Variants in SPAG9 observed in about 807,000 individuals in gnomAD.
The protein encoded by SPAG9 is sperm associated antigen 9.
A neutral mutation model predicts 166.5 loss-of-function variants in SPAG9; 35 were observed. The observed-to-expected ratio is 0.21, with a 90% CI of 0.16 to 0.28. The LOEUF (loss-of-function observed/expected upper bound fraction) is 0.28, where lower values mean the gene tolerates loss of function less well. SPAG9 is among the 10% of genes least tolerant of loss of function. The probability of loss-of-function intolerance (pLI) is 1.00; values close to 1 mark genes in which losing one functional copy is unlikely to be tolerated. For synonymous variants in SPAG9, 534 were observed against 565.5 expected (o/e 0.94, Z 0.79); for missense variants, 1,235 against 1,603.3 (o/e 0.77, Z 3.92).
intron 1 of SPAG9, among the ~76,000 whole-genome samples, chr17:51,097,036 G>C (rs566053541): frequency 6.6e-6 from 1 of 152,358 alleles, no homozygotes; most frequent in East Asian, 1.9e-4. Context: ...CTCCCAGGAG[G>C]GGAAAGGGGC....
chr17:51,031,303 C>CCACT (rs1291689707), intron 6 of SPAG9: 3 of 238,134 alleles, frequency 1.3e-5, no homozygotes, highest in African/African-American at 7.0e-5. Context: ...AGGAAGCAGT[C>CCACT]CACTGTAAGA....
chr17:51,104,308 A>C (rs12450083), intron 1 of SPAG9, among the ~76,000 whole-genome samples: 1 of 151,982 alleles, frequency 6.6e-6, no homozygotes. Flanking sequence ...ATGCCCAATG[A>C]GCACAGTATC....
intron 2 of SPAG9, among the ~76,000 whole-genome samples, chr17:51,079,072 T>C (rs1474632405): frequency 6.6e-6 from 1 of 152,142 alleles, no homozygotes; most frequent in Non-Finnish European, 1.5e-5. Context: ...TCTGGTTTAG[T>C]CAGTTCTGCA....
intron 1 of SPAG9, among the ~76,000 whole-genome samples, chr17:51,115,215 G>C (rs2144798000): frequency 6.6e-6 from 1 of 152,160 alleles, no homozygotes; most frequent in Admixed American, 6.6e-5. Flanking sequence ...GTAAGAAACA[G>C]GGTCTTGCCC....
At chr17:51,030,083 T>C (rs1040574453) in intron 6 of SPAG9, among the ~76,000 whole-genome samples, 2 of 152,216 alleles carry the variant, frequency 1.3e-5, no homozygotes, top group African/African-American at 4.8e-5. Context: ...GGGTTTTAAA[T>C]ATCAGGCTAA....
At chr17:51,102,485 C>CT (rs1360537950) in intron 1 of SPAG9, among the ~76,000 whole-genome samples, 1 of 151,242 alleles carries the variant, frequency 6.6e-6, no homozygotes, top group East Asian at 1.9e-4. Flanking sequence ...AGTTTTGGCA[C>CT]TTAATCTTCA....
At chr17:51,102,883 T>C (rs558754511) in intron 1 of SPAG9, among the ~76,000 whole-genome samples, 1 of 152,252 alleles carries the variant, frequency 6.6e-6, no homozygotes, top group South Asian at 2.1e-4. Flanking sequence ...GGGCTCAATC[T>C]CTTGAGTAGC....
At chr17:50,979,315 T>C (rs868517834) in intron 26 of SPAG9, among the ~76,000 whole-genome samples, 29 of 144,546 alleles carry the variant, frequency 2.0e-4, no homozygotes, top group Middle Eastern at 7.5e-3. Context: ...AAAGCTGCAG[T>C]GAGCCGTGAT....
At chr17:50,969,025 C>T (rs542284301) in intron 29 of SPAG9, among the ~76,000 whole-genome samples, 46 of 151,102 alleles carry the variant, frequency 3.0e-4, no homozygotes, top group Non-Finnish European at 3.8e-4. Context: ...CTCCACCTCC[C>T]GGGTTCAAGT....
At chr17:51,011,278 G>A (rs1045408742) in intron 9 of SPAG9, among the ~76,000 whole-genome samples, 6 of 150,396 alleles carry the variant, frequency 4.0e-5, no homozygotes, top group Admixed American at 2.6e-4. Context: ...CCTACACAAC[G>A]TAGTGAGATC....
intron 5 of SPAG9, among the ~76,000 whole-genome samples, chr17:51,032,313 C>A (rs906967746): frequency 6.6e-6 from 1 of 152,052 alleles, no homozygotes. Context: ...CAAGTGTACC[C>A]CACCATGCCT....
chr17:51,101,748 G>A (rs543107998), intron 1 of SPAG9, among the ~76,000 whole-genome samples: 7 of 151,796 alleles, frequency 4.6e-5, no homozygotes, highest in South Asian at 4.2e-4. Context: ...CTCAGCCTCC[G>A]GAGTAGCTGG....
Position 51,099,158 on chromosome 17 carries a change from G to T in SPAG9, c.304-19454C>A, listed in dbSNP as rs188076905. 1.6e-3 allele frequency among the ~76,000 whole-genome samples: 244 copies of T among 151,234 alleles called. 1 individual carries two copies. The highest frequency in any genetic ancestry group is 2.8e-3 in the Non-Finnish European group (190 of 67,818). On this transcript the variant is annotated intron_variant, in intron 1 of 29. Coordinates refer to ENST00000262013, the MANE Select transcript of SPAG9 (RefSeq NM_001130528.3). ...CATTACTACAGTGAAAATTGGCCAG[G>T]CGTGGTGGCTCACGCCTGTAATCCC...
intron 13 of SPAG9, among the ~76,000 whole-genome samples, chr17:51,000,919 A>T (rs1255547985): frequency 8.5e-5 from 13 of 152,228 alleles, no homozygotes; most frequent in Non-Finnish European, 8.8e-5. Flanking sequence ...TAGAATACTG[A>T]TCTTCCTTAT....
At chr17:51,083,670 C>G (rs550575354) in intron 1 of SPAG9, among the ~76,000 whole-genome samples, 6 of 151,954 alleles carry the variant, frequency 3.9e-5, no homozygotes, top group Admixed American at 3.9e-4. Flanking sequence ...ACCCTCCTGC[C>G]TCAGCCTCCA....
At chr17:51,093,569 C>T (rs914024646) in intron 1 of SPAG9, among the ~76,000 whole-genome samples, 1 of 151,676 alleles carries the variant, frequency 6.6e-6, no homozygotes, top group Non-Finnish European at 1.5e-5. Context: ...GTGGCGGGTG[C>T]CTCTAGTCCC....
intron 19 of SPAG9, among the ~76,000 whole-genome samples, chr17:50,992,948 T>C (rs1975724509): frequency 6.6e-6 from 1 of 151,576 alleles, no homozygotes. Flanking sequence ...ATACAAAAAT[T>C]AGCCGGGTGT....
chr17:51,061,899 T>G (rs1289519966), intron 2 of SPAG9, among the ~76,000 whole-genome samples: 2 of 152,206 alleles, frequency 1.3e-5, no homozygotes, highest in Non-Finnish European at 2.9e-5. Flanking sequence ...ACAGTCTTAC[T>G]TTCACCTCAG....
intron 4 of SPAG9, among the ~76,000 whole-genome samples, chr17:51,046,207 C>T (rs2047014854): frequency 6.6e-6 from 1 of 152,184 alleles, no homozygotes; most frequent in African/African-American, 2.4e-5. Flanking sequence ...CGGTGCTCTA[C>T]TCTTGCTCTT....
Sources: allele counts gnomAD v4.1 joint callset (sites outside exome capture counted in the v4.1 genomes callset), GRCh38; gene constraint gnomAD v4.1.1; transcripts MANE v1.5; gene names NCBI Gene and HGNC (gene_info 2026-07-23, HGNC 2026-07-21).